Variants in COG7 observed in about 807,000 individuals in gnomAD.
The protein encoded by COG7 is component of oligomeric golgi complex 7.
COG7 carries 49 observed loss-of-function variants against 91.5 expected under a neutral mutation model. That is an observed-to-expected ratio of 0.54 (90% CI 0.43 to 0.68). COG7 has a LOEUF of 0.68. COG7 is among the 30% of genes least tolerant of loss of function. The pLI is 0.00. For synonymous variants in COG7, 365 were observed against 388.7 expected, an observed-to-expected ratio of 0.94 and a Z score of 0.72; for missense variants, 895 against 961.3, an observed-to-expected ratio of 0.93 and a Z score of 0.91.
intron 16 of COG7, chr16:23,389,779 C>A (rs530950949): frequency 6.5e-6 from 1 of 152,874 alleles, no homozygotes; most frequent in South Asian, 2.1e-4. Flanking sequence ...TGAGCCTACC[C>A]CCAGACTAGG....
chr16:23,424,967 T>C lies in COG7; in HGVS notation c.811-20A>G. ...GAAAACCTGCAGTGAGAGAGAGGTG[T>C]ACCTGCCTTAGCACATGGAGCCAAA... On this transcript the variant is annotated intron_variant, in intron 6 of 16. Transcript: ENST00000307149. 8 of 1,559,918 alleles carry C rather than the reference T, an allele frequency of 5.1e-6. No homozygotes were observed. The highest frequency in any genetic ancestry group is 1.4e-5 in the African/African-American group (1 of 73,710).
At position 23,403,771 on chromosome 16, in the gene COG7, G is replaced by C; in HGVS notation, c.1726C>G (p.Gln576Glu). The C allele has an allele frequency of 6.2e-7, 1 of 1,614,240 alleles. No homozygotes were observed. Among genetic ancestry groups the C allele is most frequent in the Non-Finnish European group, 8.5e-7 (1 of 1,180,026 alleles). ...TCGAAAGCCAGCTGGTGGGCCTGCT[G>C]GTTAAGCCGAGTCAGCGCTGCTCGA... Reference protein sequence around the residue: ...APRAALTRLNQQAHQLAFDSV... With the variant: ...APRAALTRLNEQAHQLAFDSV... Residue 576 changes from glutamine (Q) to glutamate (E), a missense_variant, in exon 13 of 17, where the codon CAG (glutamine) becomes GAG (glutamate). Coordinates refer to ENST00000307149, the MANE Select transcript of COG7 (RefSeq NM_153603.4).
Position 23,388,687 on chromosome 16 carries a change from A to T in COG7, c.*233T>A. The T allele has an allele frequency of 5.4e-6, 2 of 373,066 alleles. No individual in the cohort carries two copies. The highest frequency in any genetic ancestry group is 9.3e-6 in the Non-Finnish European group (2 of 215,440). 23.1% of individuals were successfully genotyped at this position (373,066 alleles called of 1,614,324 possible). ...CTGTTAATTTTTGTATTTTTAGTAGAGATGGGGTTTCACCATGTTGGTCAG... is the reference window on the plus strand; with the variant it reads ...CTGTTAATTTTTGTATTTTTAGTAGTGATGGGGTTTCACCATGTTGGTCAG... On this transcript the variant is annotated 3_prime_UTR_variant, in exon 17 of 17. Transcript: ENST00000307149.
chr16:23,396,496 T>C (rs927274143), intron 14 of COG7, among the ~76,000 whole-genome samples: 2 of 151,904 alleles, frequency 1.3e-5, no homozygotes, highest in African/African-American at 2.4e-5. Context: ...CTGGTCAACA[T>C]GACGAAACCC....
chr16:23,395,993 G>A (rs764541392), intron 14 of COG7, among the ~76,000 whole-genome samples: 17 of 152,206 alleles, frequency 1.1e-4, no homozygotes, highest in Non-Finnish European at 2.2e-4. Flanking sequence ...CGTGTGCTAT[G>A]CACGTAAAGC....
chr16:23,443,145 T>C (rs1319679754), intron 3 of COG7, among the ~76,000 whole-genome samples: 1 of 152,174 alleles, frequency 6.6e-6, no homozygotes, highest in Non-Finnish European at 1.5e-5. Flanking sequence ...ATAATAGCTA[T>C]TGTTGGTGAG....
At chr16:23,396,236 C>A (rs1202597389) in intron 14 of COG7, among the ~76,000 whole-genome samples, 2 of 152,266 alleles carry the variant, frequency 1.3e-5, no homozygotes, top group East Asian at 3.9e-4. Flanking sequence ...GGGAAGGGCC[C>A]GGGCCTGGAA....
chr16:23,430,002 A>G (rs1963909047), intron 6 of COG7, among the ~76,000 whole-genome samples: 1 of 152,236 alleles, frequency 6.6e-6, no homozygotes, highest in South Asian at 2.1e-4. Flanking sequence ...GCTGGTGCAC[A>G]GACCAACTGG....
chr16:23,422,932 C>T (rs1387558633), intron 7 of COG7, among the ~76,000 whole-genome samples: 1 of 151,020 alleles, frequency 6.6e-6, no homozygotes, highest in South Asian at 2.1e-4. Flanking sequence ...GTAATCCCAA[C>T]TACTCAGAAG....
At chr16:23,431,063 A>G (rs1963926664) in intron 6 of COG7, among the ~76,000 whole-genome samples, 1 of 152,146 alleles carries the variant, frequency 6.6e-6, no homozygotes, top group South Asian at 2.1e-4. Flanking sequence ...AATAAGATGG[A>G]TTAATGAACA....
rs935180872 is a variant in COG7 at position 23,393,127 on chromosome 16, C to T, written c.2002+106G>A. The T allele has an allele frequency of 3.3e-5, 26 of 789,232 alleles. No homozygotes were observed. In the African/African-American group the frequency reaches 4.3e-4, roughly 13 times the overall value. The allele number at this position is 789,232 out of a possible 1,614,324, so 48.9% of individuals were successfully genotyped here. ...TACATGTTAGAAGGTTAAAAAAAAACAGGACTTGGTGACAAATGAGCCCAA... is the reference window on the plus strand; with the variant it reads ...TACATGTTAGAAGGTTAAAAAAAAATAGGACTTGGTGACAAATGAGCCCAA... On this transcript the variant is annotated intron_variant, in intron 15 of 16. Coordinates refer to ENST00000307149, the MANE Select transcript of COG7 (RefSeq NM_153603.4).
chr16:23,413,095 T>C (rs766253948), intron 10 of COG7: 12 of 310,410 alleles, frequency 3.9e-5, no homozygotes, highest in Middle Eastern at 1.1e-3. Context: ...CGATCACCTA[T>C]GCATTTTCTA....
intron 14 of COG7, among the ~76,000 whole-genome samples, chr16:23,395,345 T>C (rs1345659235): frequency 1.3e-5 from 2 of 152,210 alleles, no homozygotes; most frequent in Non-Finnish European, 2.9e-5. Flanking sequence ...ATAATTCCTC[T>C]CAACAAGCCC....
chr16:23,393,144 T>G, intron 15 of COG7, 89 bp downstream of exon 15: 28 of 910,688 alleles, frequency 3.1e-5, no homozygotes, highest in Non-Finnish European at 4.5e-5. Flanking sequence ...TGGTGACAAA[T>G]GAGCCCAAGG....
At chr16:23,394,272 C>T (rs1044154130) in intron 14 of COG7, among the ~76,000 whole-genome samples, 23 of 152,072 alleles carry the variant, frequency 1.5e-4, no homozygotes, top group African/African-American at 5.6e-4. Flanking sequence ...AGGTCATTTG[C>T]AATTGTCCTA....
Position 23,392,301 on chromosome 16 carries a change from T to A in COG7, c.2146+79A>T, listed in dbSNP as rs1220583779. The A allele has an allele frequency of 2.5e-6, 4 of 1,601,240 alleles. No homozygotes were observed. The Admixed American group carries it at 6.8e-5, about 27-fold the overall frequency. The stretch of plus-strand genomic sequence containing the variant: ...GCTAAGGGAAGACTTGGGATGAGAT[T>A]CCTGGAGGGCAAAGGAGAAACTGAC... On this transcript the variant is annotated intron_variant, in intron 16 of 16. Transcript: ENST00000307149.
chr16:23,442,374 T>A, intron 4 of COG7, 103 bp downstream of exon 4: 2 of 1,008,652 alleles, frequency 2.0e-6, no homozygotes, highest in Non-Finnish European at 3.1e-6. Flanking sequence ...CCTTCTAATC[T>A]ATGTAATTCA....
At chr16:23,436,298 G>C (rs1349260315) in intron 4 of COG7, among the ~76,000 whole-genome samples, 1 of 152,136 alleles carries the variant, frequency 6.6e-6, no homozygotes, top group African/African-American at 2.4e-5. Flanking sequence ...ATAAAAAGTT[G>C]CTTCAGTGTA....
intron 1 of COG7, among the ~76,000 whole-genome samples, chr16:23,448,857 C>T (rs1216356509): frequency 6.6e-6 from 1 of 152,180 alleles, no homozygotes; most frequent in Non-Finnish European, 1.5e-5. Context: ...CTACAGTGGA[C>T]ATAATAACTG....
Sources: gnomAD v4.1 joint callset for allele counts (sites outside exome capture counted in the v4.1 genomes callset) on GRCh38, gnomAD v4.1.1 for gene constraint, MANE v1.5 for transcripts, NCBI Gene and HGNC (gene_info 2026-07-23, HGNC 2026-07-21) for gene names.